Variants in DENND6A observed in about 807,000 individuals in gnomAD.
DENND6A encodes DENN domain containing 6A.
Under a neutral mutation model 95.5 loss-of-function variants are expected in DENND6A, and 43 were observed. The ratio of observed to expected loss-of-function variants is 0.45; its 90% CI spans 0.35 to 0.58. DENND6A has a LOEUF of 0.58. Ranked by LOEUF, DENND6A falls within the 20% of genes least tolerant of loss-of-function variation. The pLI, the probability that DENND6A is intolerant of heterozygous loss-of-function variation, is 0.00. For missense variants in DENND6A, 574 were observed against 736.0 expected, an observed-to-expected ratio of 0.78 and a Z score of 2.55; for synonymous variants, 257 against 260.4, an observed-to-expected ratio of 0.99 and a Z score of 0.13.
At chr3:57,637,844 C>T (rs2070831675) in intron 12 of DENND6A, among the ~76,000 whole-genome samples, 1 of 151,582 alleles carries the variant, frequency 6.6e-6, no homozygotes, top group South Asian at 2.1e-4. Flanking sequence ...ATTATAAACT[C>T]CTGTGCACAG....
rs760446280 is a variant in DENND6A, at chr3:57,661,432, T to C, written c.619+14A>G. 7 of 1,529,366 alleles carry C rather than the reference T, an allele frequency of 4.6e-6. No homozygotes were observed. In the South Asian group the frequency reaches 6.4e-5, roughly 14 times the overall value. 94.7% of individuals were successfully genotyped at this position (1,529,366 alleles called of 1,614,324 possible). ...ATTTTAAAACTCCTGCATAAAGGTA[T>C]ATGTTAAACTTACCTGCTTCCAAAT... On this transcript the variant is annotated intron_variant, in intron 6 of 19. Transcript: ENST00000311128.
intron 9 of DENND6A, among the ~76,000 whole-genome samples, chr3:57,648,927 T>C (rs937820790): frequency 6.6e-6 from 1 of 152,054 alleles, no homozygotes; most frequent in African/African-American, 2.4e-5. Flanking sequence ...GAAGATAACA[T>C]TGGAAAAAAC....
At chr3:57,661,350 G>T in intron 6 of DENND6A, 96 bp downstream of exon 6, 1 of 1,008,220 alleles carries the variant, frequency 9.9e-7, no homozygotes, top group Non-Finnish European at 1.4e-6. Context: ...GTTCCTACCT[G>T]AATTTTTATA....
chr3:57,683,740 T>TC (rs2077186865), intron 1 of DENND6A, among the ~76,000 whole-genome samples: 1 of 152,164 alleles, frequency 6.6e-6, no homozygotes, highest in Non-Finnish European at 1.5e-5. Context: ...TGCTTCAGTT[T>TC]CCCTAAATAG....
In DENND6A at chr3:57,659,256, AGGTAT is replaced by A. The variant is rs369421037; in HGVS notation, c.700-81_700-77del. 149 of 1,503,334 alleles carry A rather than the reference AGGTAT, an allele frequency of 9.9e-5. 1 individual carries two copies. The African/African-American group carries it at 1.3e-3, about 13-fold the overall frequency. 93.1% of individuals were successfully genotyped at this position (1,503,334 alleles called of 1,614,324 possible). A position where few individuals can be genotyped will look rare whatever the true frequency, so the allele number is the denominator to read the frequency against. On this transcript the variant is annotated intron_variant, in intron 7 of 19. Transcript: ENST00000311128. ...GAAGTGCTGTATCCTGCTGCTAAAA[AGGTAT>A]GGTCAGTAATGCCAAAAAAGCTACA...
rs375531817 is a variant in DENND6A at position 57,659,068 on chromosome 3, T to G, written c.762+50A>C. The G allele has an allele frequency of 6.9e-5, 108 of 1,572,780 alleles. No individual in the cohort carries two copies. The African/African-American group carries it at 1.4e-3, about 20-fold the overall frequency. On this transcript the variant is annotated intron_variant, in intron 8 of 19. Coordinates refer to ENST00000311128, the MANE Select transcript of DENND6A (RefSeq NM_152678.3). ...TGCATTTGCTAGTTTAAAAATTCTGTTAAAGAGACTATATATGTGCTGGAT... is the reference window on the plus strand; with the variant it reads ...TGCATTTGCTAGTTTAAAAATTCTGGTAAAGAGACTATATATGTGCTGGAT...
chr3:57,643,876 G>A (rs2071005991), intron 11 of DENND6A, among the ~76,000 whole-genome samples: 2 of 150,688 alleles, frequency 1.3e-5, no homozygotes, highest in African/African-American at 4.9e-5. Context: ...TGGGCCAGGC[G>A]TGGTGGCTCA....
chr3:57,633,171 C>T, intron 15 of DENND6A, 94 bp downstream of exon 15: 1 of 1,073,596 alleles, frequency 9.3e-7, no homozygotes, highest in Admixed American at 2.2e-5. Context: ...TGGCAAAACA[C>T]ACAACTTAAG....
chr3:57,672,362 T>C (rs770685226), intron 2 of DENND6A, 38 bp downstream of exon 2: 25 of 1,610,818 alleles, frequency 1.6e-5, no homozygotes, highest in Admixed American at 1.2e-4. Context: ...CAAACAGAAA[T>C]ATAACAGTAA....
At chr3:57,663,070 G>C (rs1189603393) in intron 5 of DENND6A, among the ~76,000 whole-genome samples, 1 of 144,232 alleles carries the variant, frequency 6.9e-6, no homozygotes, top group African/African-American at 2.6e-5. Context: ...CCAGCTACTT[G>C]AACCTGGGAG....
At position 57,682,281 on chromosome 3, in the gene DENND6A, CAAAAAAAAAAAAAAA is replaced by C. The variant is rs10618015; in HGVS notation, c.238-9858_238-9844del. On this transcript the variant is annotated intron_variant, in intron 1 of 19. Coordinates refer to ENST00000311128, the MANE Select transcript of DENND6A (RefSeq NM_152678.3). ...GGGCAACAAGAGTGAGACTCCGTCT[CAAAAAAAAAAAAAAA>C]AAAAAAAAAAAAAATTATATTCTGT... Among the ~76,000 whole-genome samples, 145 of 53,572 alleles carry C rather than the reference CAAAAAAAAAAAAAAA, an allele frequency of 2.7e-3. 2 individuals are homozygous for C. Among genetic ancestry groups the C allele is most frequent in the African/African-American group, 0.011 (135 of 12,202 alleles). 35.1% of individuals were successfully genotyped at this position (53,572 alleles called of 152,430 possible). A position where few individuals can be genotyped will look rare whatever the true frequency, so the allele number is the denominator to read the frequency against.
At chr3:57,692,384 A>C (rs2077275538) in intron 1 of DENND6A, among the ~76,000 whole-genome samples, 1 of 152,178 alleles carries the variant, frequency 6.6e-6, no homozygotes, top group Non-Finnish European at 1.5e-5. Context: ...TTGGTTGTGC[A>C]AGTTCGGCTA....
At position 57,647,380 on chromosome 3, in the gene DENND6A, T is replaced by C. The variant is rs113429018; in HGVS notation, c.819-942A>G. On this transcript the variant is annotated intron_variant, in intron 9 of 19. Coordinates refer to ENST00000311128, the MANE Select transcript of DENND6A (RefSeq NM_152678.3). Reference sequence around the variant, plus strand: ...AACAACTCAGTCCTAAAGCAGAACATGGTAGGTATCTCTGCCATGAGGGAA... The same window carrying C: ...AACAACTCAGTCCTAAAGCAGAACACGGTAGGTATCTCTGCCATGAGGGAA... 3.9e-3 allele frequency among the ~76,000 whole-genome samples: 589 copies of C among 152,082 alleles called. 3 individuals are homozygous for C. The highest frequency in any genetic ancestry group is 5.0e-3 in the Non-Finnish European group (341 of 67,958).
At chr3:57,630,598 AG>A in intron 17 of DENND6A, 75 bp from the exon 18 acceptor site, 1 of 1,524,638 alleles carries the variant, frequency 6.6e-7, no homozygotes, top group Non-Finnish European at 8.8e-7. Context: ...TCCTAGTCAG[AG>A]AACCATGTCA....
At chr3:57,669,016 G>T (rs949354762) in intron 3 of DENND6A, among the ~76,000 whole-genome samples, 1 of 152,024 alleles carries the variant, frequency 6.6e-6, no homozygotes, top group African/African-American at 2.4e-5. Flanking sequence ...GGGACTACGG[G>T]CACACACCAC....
At chr3:57,654,565 T>C in intron 9 of DENND6A, 1 of 910,356 alleles carries the variant, frequency 1.1e-6, no homozygotes, top group Non-Finnish European at 1.3e-6. Flanking sequence ...AAATAGCAAA[T>C]ATCATCAAGT....
intron 1 of DENND6A, among the ~76,000 whole-genome samples, chr3:57,685,720 GCATT>G (rs1462719317): frequency 2.0e-5 from 3 of 151,898 alleles, no homozygotes; most frequent in Non-Finnish European, 4.4e-5. Flanking sequence ...ATCTGCTTCA[GCATT>G]CATTCTTTTT....
intron 1 of DENND6A, among the ~76,000 whole-genome samples, chr3:57,692,447 C>T (rs2077277548): frequency 6.6e-6 from 1 of 152,220 alleles, no homozygotes; most frequent in Non-Finnish European, 1.5e-5. Flanking sequence ...ACCAAACAAA[C>T]ATCCTGCCTG....
At chr3:57,690,047 G>GAAAA (rs68096897) in intron 1 of DENND6A, among the ~76,000 whole-genome samples, 1 of 137,746 alleles carries the variant, frequency 7.3e-6, no homozygotes, top group Non-Finnish European at 1.6e-5. Context: ...TGTCTCTAAG[G>GAAAA]AAAAAAAAAA....
Sources: allele counts gnomAD v4.1 joint callset (sites outside exome capture counted in the v4.1 genomes callset), GRCh38; gene constraint gnomAD v4.1.1; transcripts MANE v1.5; gene names NCBI Gene and HGNC (gene_info 2026-07-23, HGNC 2026-07-21).